ZNF516: variants seen among roughly 807,000 people sequenced by gnomAD.
ZNF516 encodes the protein zinc finger protein 516.
Under a neutral mutation model 79.7 loss-of-function variants are expected in ZNF516, and 19 were observed. That is an observed-to-expected ratio of 0.24 (90% CI 0.17 to 0.35). The LOEUF (loss-of-function observed/expected upper bound fraction) is 0.35, where lower values mean the gene tolerates loss of function less well. ZNF516 is among the 10% of genes least tolerant of loss of function. ZNF516 has a pLI of 1.00. For synonymous variants in ZNF516, 877 were observed against 739.5 expected (o/e 1.19, Z -3.02); for missense variants, 1,678 against 1,679.5 (o/e 1.00, Z 0.02).
intron 3 of ZNF516, among the ~76,000 whole-genome samples, chr18:76,438,455 A>G (rs1290379336): frequency 6.6e-6 from 1 of 152,182 alleles, no homozygotes; most frequent in Non-Finnish European, 1.5e-5. Context: ...TATGAAGTCC[A>G]AAAGTAGACT....
At chr18:76,384,908 T>C (rs2074960603) in intron 3 of ZNF516, among the ~76,000 whole-genome samples, 1 of 152,200 alleles carries the variant, frequency 6.6e-6, no homozygotes, top group South Asian at 2.1e-4. Flanking sequence ...CCTGCATAGA[T>C]GGCTGCCTCT....
At chr18:76,458,025 C>A (rs955913388) in intron 2 of ZNF516, among the ~76,000 whole-genome samples, 1 of 152,194 alleles carries the variant, frequency 6.6e-6, no homozygotes. Context: ...CGGCTGGATA[C>A]GTTTGCCTCA....
chr18:76,410,476 C>T (rs929942292), intron 3 of ZNF516, among the ~76,000 whole-genome samples: 1 of 152,156 alleles, frequency 6.6e-6, no homozygotes, highest in Non-Finnish European at 1.5e-5. Flanking sequence ...GGCCTTGCCT[C>T]GAACAGGTCC....
intron 1 of ZNF516, among the ~76,000 whole-genome samples, chr18:76,475,061 TA>T (rs1026595737): frequency 2.0e-5 from 3 of 152,208 alleles, no homozygotes; most frequent in Admixed American, 2.0e-4. Flanking sequence ...AACTCATATA[TA>T]GGCTACCTGA....
At chr18:76,491,566 C>CCGGGGGGCGGGGGCGG (rs1555722800) in intron 1 of ZNF516, 1 of 141,584 alleles carries the variant, frequency 7.1e-6, no homozygotes, top group African/African-American at 2.6e-5. Context: ...GGGGCGGGCG[C>CCGGGGGGCGGGGGCGG]CGGGGGGCGG....
At chr18:76,440,919 T>C (rs1410445253) in intron 3 of ZNF516, among the ~76,000 whole-genome samples, 1 of 152,168 alleles carries the variant, frequency 6.6e-6, no homozygotes, top group East Asian at 1.9e-4. Flanking sequence ...GTCAAAGGTG[T>C]GAGTATATGC....
chr18:76,471,921 C>T (rs886777510), intron 1 of ZNF516, among the ~76,000 whole-genome samples: 2 of 152,186 alleles, frequency 1.3e-5, no homozygotes, highest in Admixed American at 1.3e-4. Context: ...CCTGCAGGGT[C>T]CTACCCAGGA....
chr18:76,490,513 T>A (rs1387618941), intron 1 of ZNF516, among the ~76,000 whole-genome samples: 1 of 152,220 alleles, frequency 6.6e-6, no homozygotes, highest in East Asian at 1.9e-4. Context: ...AAGTAACACA[T>A]CCCTAAACCA....
At chr18:76,382,288 T>C (rs533898266) in intron 3 of ZNF516, among the ~76,000 whole-genome samples, 2 of 152,228 alleles carry the variant, frequency 1.3e-5, no homozygotes, top group African/African-American at 4.8e-5. Flanking sequence ...GAATTAAGTA[T>C]ATGAAAGAGG....
At chr18:76,403,448 G>A (rs906477626) in intron 3 of ZNF516, among the ~76,000 whole-genome samples, 7 of 152,152 alleles carry the variant, frequency 4.6e-5, no homozygotes, top group African/African-American at 1.2e-4. Flanking sequence ...GGGCACACAC[G>A]GCACAGGCAT....
At chr18:76,487,847 A>T (rs1914917610) in intron 1 of ZNF516, 3 of 794,172 alleles carry the variant, frequency 3.8e-6, no homozygotes, top group South Asian at 5.7e-5. Flanking sequence ...CCCTAGATAC[A>T]TTCCCGTAAT....
In ZNF516 at chr18:76,360,646, A is replaced by AAAAAAATATATATATATAT. The variant is rs373540251; in HGVS notation, c.*1851_*1852insATATATATATATATTTTTT. The AAAAAAATATATATATATAT allele has an allele frequency of 1.4e-5, 1 of 72,494 alleles. No homozygotes were observed. The highest frequency in any genetic ancestry group is 2.7e-5 in the Non-Finnish European group (1 of 36,934). 4.5% of individuals were successfully genotyped at this position (72,494 alleles called of 1,614,324 possible). A position where few individuals can be genotyped will look rare whatever the true frequency, so the allele number is the denominator to read the frequency against. On this transcript the variant is annotated 3_prime_UTR_variant, in exon 7 of 7. Coordinates refer to ENST00000443185, the MANE Select transcript of ZNF516 (RefSeq NM_014643.4). ...AAAAAAATAAGTAAAAAAAAAAAAAAATATATATATATATATATATATATA... is the reference window on the plus strand; with the variant it reads ...AAAAAAATAAGTAAAAAAAAAAAAAAAAAAAATATATATATATATATATATATATATATATATATATATA...
At chr18:76,435,764 A>C (rs1046219629) in intron 3 of ZNF516, among the ~76,000 whole-genome samples, 4 of 152,178 alleles carry the variant, frequency 2.6e-5, no homozygotes, top group African/African-American at 9.7e-5. Context: ...AGCCCTGGAG[A>C]GCCCTCTGCA....
chr18:76,476,248 G>C (rs1914166520), intron 1 of ZNF516, among the ~76,000 whole-genome samples: 1 of 152,104 alleles, frequency 6.6e-6, no homozygotes, highest in Non-Finnish European at 1.5e-5. Context: ...TCCTTTTATA[G>C]TATGAAAAGA....
Position 76,442,553 on chromosome 18 carries a change from C to G in ZNF516, c.502G>C (p.Gly168Arg), listed in dbSNP as rs765957420. 3.8e-6 allele frequency: 6 copies of G among 1,598,972 alleles called. No homozygotes were observed. Among genetic ancestry groups the G allele is most frequent in the Non-Finnish European group, 2.5e-6 (3 of 1,179,472 alleles). The change falls in exon 3 of 7, where the codon GGG (glycine) becomes CGG (arginine). Residue 168 changes from glycine (G) to arginine (R), a missense_variant. Coordinates refer to ENST00000443185, the MANE Select transcript of ZNF516 (RefSeq NM_014643.4). ...CACTGGACCGCTGCCTTGGCCTCCC[C>G]CGGGGCGCATGCGGACCCCTCTGCC... ...KGAEGSACAP[G>R]EAKAAVQCSF...
intron 3 of ZNF516, among the ~76,000 whole-genome samples, chr18:76,424,867 G>T (rs1260948929): frequency 2.1e-5 from 3 of 142,478 alleles, no homozygotes; most frequent in Non-Finnish European, 3.0e-5. Context: ...AGGTGAAAAG[G>T]TTCCATGAAA....
intron 1 of ZNF516, among the ~76,000 whole-genome samples, chr18:76,476,422 C>T (rs757463670): frequency 1.3e-5 from 2 of 152,126 alleles, no homozygotes; most frequent in Non-Finnish European, 2.9e-5. Flanking sequence ...AAATGGGTAG[C>T]TTCATATTAA....
At chr18:76,382,622 A>G (rs1476829863) in intron 3 of ZNF516, among the ~76,000 whole-genome samples, 2 of 152,198 alleles carry the variant, frequency 1.3e-5, no homozygotes, top group East Asian at 3.9e-4. Context: ...CTAAAAGTGA[A>G]TAATCTAGCC....
intron 3 of ZNF516, among the ~76,000 whole-genome samples, chr18:76,424,614 C>A (rs1420078536): frequency 1.6e-5 from 2 of 125,634 alleles, no homozygotes; most frequent in Admixed American, 1.6e-4. Flanking sequence ...CCGAAACACA[C>A]GCAGGTGAAA....
Sources: allele counts gnomAD v4.1 joint callset (sites outside exome capture counted in the v4.1 genomes callset), GRCh38; gene constraint gnomAD v4.1.1; transcripts MANE v1.5; gene names NCBI Gene and HGNC (gene_info 2026-07-23, HGNC 2026-07-21).